PNP: variants seen among roughly 807,000 people sequenced by gnomAD.
PNP encodes purine nucleoside phosphorylase.
A neutral mutation model predicts 26.8 loss-of-function variants in PNP; 18 were observed. The observed-to-expected ratio is 0.67, with a 90% CI of 0.46 to 1.00. The LOEUF is 1.00. Among genes scored for constraint, PNP ranks in the 50% least tolerant of loss-of-function variants. The pLI is 0.00. For synonymous variants in PNP, 116 were observed against 124.8 expected, an observed-to-expected ratio of 0.93 and a Z score of 0.47; for missense variants, 320 against 362.9, an observed-to-expected ratio of 0.88 and a Z score of 0.96.
chr14:20,470,347 G>A (rs1427903781), intron 1 of PNP, among the ~76,000 whole-genome samples: 1 of 152,212 alleles, frequency 6.6e-6, no homozygotes, highest in East Asian at 1.9e-4. Flanking sequence ...ACCTTTTGGG[G>A]ATGCCATTTG....
chr14:20,471,197 ATTTTTTT>A (rs397960222), intron 1 of PNP, among the ~76,000 whole-genome samples: 76 of 90,650 alleles, frequency 8.4e-4, no homozygotes, highest in Middle Eastern at 6.5e-3. Context: ...CGCCCGGCTA[ATTTTTTT>A]TTTTTTTTTT....
intron 1 of PNP, chr14:20,469,779 G>T (rs778962651): frequency 1.6e-6 from 1 of 631,772 alleles, no homozygotes; most frequent in Non-Finnish European, 2.8e-6. Context: ...GGGACAGGTC[G>T]GTGCGGTCTA....
chr14:20,473,410 C>G (rs1308074780), intron 2 of PNP: 1 of 152,220 alleles, frequency 6.6e-6, no homozygotes, highest in East Asian at 1.9e-4. Context: ...TTCTTTCCCC[C>G]TTGTTCAGTA....
At position 20,472,445 on chromosome 14, in the gene PNP, A is replaced by G. The variant is rs768802856; in HGVS notation, c.149A>G (p.Tyr50Cys). 1 of 1,614,100 alleles carries G rather than the reference A, an allele frequency of 6.2e-7. No individual in the cohort carries two copies. The highest frequency in any genetic ancestry group is 1.7e-5 in the Admixed American group (1 of 60,024). ...DKLTQAQIFD[Y>C]GEIPNFPRST... The stretch of plus-strand genomic sequence containing the variant: ...TTAACTCAGGCCCAGATCTTTGACT[A>G]CGGTGAAATCCCCAACTTTCCCCGA... Residue 50 changes from tyrosine to cysteine, a missense_variant, in exon 2 of 6, where the codon TAC becomes TGC. Coordinates refer to ENST00000361505, the MANE Select transcript of PNP (RefSeq NM_000270.4).
chr14:20,474,212 C>G, intron 2 of PNP: 1 of 423,266 alleles, frequency 2.4e-6, no homozygotes, highest in Non-Finnish European at 4.4e-6. Flanking sequence ...TTTAAAAAGC[C>G]CTTCCTTCTT....
Position 20,474,755 on chromosome 14 carries a change from GGATT to G in PNP, c.286-16_286-13del, listed in dbSNP as rs749984360. ...TAATGAAATTTTGTAAATTTTTTTC[GGATT>G]GTTTGCTTCGAAGGTGACATTCCCA... On this transcript the variant is annotated splice_polypyrimidine_tract_variant and intron_variant, in intron 3 of 5. Coordinates refer to ENST00000361505, the MANE Select transcript of PNP (RefSeq NM_000270.4). The G allele has an allele frequency of 1.2e-5, 19 of 1,612,616 alleles. No individual in the cohort carries two copies. Among genetic ancestry groups the G allele is most frequent in the Non-Finnish European group, 1.6e-5 (19 of 1,179,326 alleles).
intron 5 of PNP, among the ~76,000 whole-genome samples, chr14:20,476,106 G>A (rs1400679380): frequency 3.9e-5 from 6 of 151,978 alleles, no homozygotes; most frequent in East Asian, 1.9e-4. Flanking sequence ...CCTGAGTAAC[G>A]GGGACCACAG....
intron 1 of PNP, 102 bp downstream of exon 1, chr14:20,469,637 G>A: frequency 6.9e-7 from 1 of 1,451,660 alleles, no homozygotes; most frequent in Non-Finnish European, 9.5e-7. Context: ...GAGGGAGCGA[G>A]CGCCCAGGGG....
intron 5 of PNP, among the ~76,000 whole-genome samples, chr14:20,476,150 T>A (rs558264124): frequency 6.6e-6 from 1 of 152,240 alleles, no homozygotes; most frequent in South Asian, 2.1e-4. Flanking sequence ...ATTTTATTTA[T>A]TTTTTGAGCC....
At chr14:20,473,264 A>G (rs1212032113) in intron 2 of PNP, 1 of 152,286 alleles carries the variant, frequency 6.6e-6, no homozygotes, top group Admixed American at 6.5e-5. Flanking sequence ...TGACTGCCAG[A>G]TAAAAGAAAT....
At chr14:20,474,997 CT>C in intron 4 of PNP, 49 bp downstream of exon 4, 1 of 1,613,452 alleles carries the variant, frequency 6.2e-7, no homozygotes, top group Non-Finnish European at 8.5e-7. Flanking sequence ...TTAAAGACTT[CT>C]CTAGGAGCTG....
chr14:20,474,704 T>C lies in PNP; in HGVS notation c.286-69T>C, dbSNP rs1225751150. The stretch of plus-strand genomic sequence containing the variant: ...CTCCTTCCTTTTCTTTCACGATGTA[T>C]GTCATGCATTTCAGTGTAGCTGAAT... On this transcript the variant is annotated intron_variant, in intron 3 of 5. Coordinates refer to ENST00000361505, the MANE Select transcript of PNP (RefSeq NM_000270.4). 1.1e-5 allele frequency: 18 copies of C among 1,574,518 alleles called. No individual in the cohort carries two copies. The Admixed American group carries it at 3.1e-4, about 27-fold the overall frequency.
In PNP at chr14:20,476,459, A is replaced by C; in HGVS notation, c.728A>C (p.Asn243Thr). The C allele has an allele frequency of 6.2e-7, 1 of 1,614,214 alleles. No homozygotes were observed. The highest frequency in any genetic ancestry group is 8.5e-7 in the Non-Finnish European group (1 of 1,180,036). Residue 243 changes from asparagine to threonine, a missense_variant, in exon 6 of 6, where the codon AAC (asparagine) becomes ACC (threonine). Coordinates refer to ENST00000361505, the MANE Select transcript of PNP (RefSeq NM_000270.4). ...GTCTTTGGCTTCTCACTCATCACTA[A>C]CAAGGTCATCATGGATTATGAAAGC... ...LRVFGFSLIT[N>T]KVIMDYESLE...
At chr14:20,471,948 G>T (rs1353845255) in intron 1 of PNP, among the ~76,000 whole-genome samples, 1 of 152,132 alleles carries the variant, frequency 6.6e-6, no homozygotes. Flanking sequence ...TTATTTCCTT[G>T]CACTTCCCCG....
At chr14:20,474,748 T>C (rs752617026) in intron 3 of PNP, 25 bp from the exon 4 acceptor site, 69 of 1,611,772 alleles carry the variant, frequency 4.3e-5, no homozygotes, top group Non-Finnish European at 5.8e-5. Context: ...TTTTGTAAAT[T>C]TTTTTCGGAT....
intron 1 of PNP, 68 bp from the exon 2 acceptor site, chr14:20,472,240 G>A (rs1270923602): frequency 1.6e-5 from 22 of 1,404,366 alleles, no homozygotes; most frequent in South Asian, 4.6e-5. Context: ...TTTTTGCACC[G>A]AAGGTCATTT....
Position 20,474,587 on chromosome 14 carries a change from G to A in PNP, c.285+12G>A. Reference sequence around the variant, plus strand: ...ACCCACTCTGGAAGGTAAGTCAGAGGGATAGGTCCGGTTGGATCTGGAAGA... The same window carrying A: ...ACCCACTCTGGAAGGTAAGTCAGAGAGATAGGTCCGGTTGGATCTGGAAGA... On this transcript the variant is annotated intron_variant, in intron 3 of 5. Transcript: ENST00000361505. The A allele has an allele frequency of 6.2e-7, 1 of 1,605,350 alleles. No individual in the cohort carries two copies. Among genetic ancestry groups the A allele is most frequent in the East Asian group, 2.2e-5 (1 of 44,816 alleles).
chr14:20,471,405 G>T (rs1881985183), intron 1 of PNP, among the ~76,000 whole-genome samples: 1 of 150,906 alleles, frequency 6.6e-6, no homozygotes, highest in Non-Finnish European at 1.5e-5. Flanking sequence ...TTTTTTGTGG[G>T]GGTTTTGTGT....
intron 1 of PNP, among the ~76,000 whole-genome samples, chr14:20,470,047 C>T (rs1463973193): frequency 6.6e-6 from 1 of 152,182 alleles, no homozygotes; most frequent in African/African-American, 2.4e-5. Flanking sequence ...TCCAGACTGG[C>T]AGTATGATTA....
Sources: allele counts gnomAD v4.1 joint callset (sites outside exome capture counted in the v4.1 genomes callset), GRCh38; gene constraint gnomAD v4.1.1; transcripts MANE v1.5; gene names NCBI Gene and HGNC (gene_info 2026-07-23, HGNC 2026-07-21).